The following CACNA1C variants were observed in gnomAD, a reference collection of about 807,000 sequenced individuals.
The protein encoded by CACNA1C is voltage-dependent L-type calcium channel subunit alpha-1C.
CACNA1C carries 30 observed loss-of-function variants against 229.0 expected under a neutral mutation model. The observed-to-expected ratio is 0.13, with a 90% CI of 0.10 to 0.18. CACNA1C has a LOEUF of 0.18. Among genes scored for constraint, CACNA1C ranks in the 10% least tolerant of loss-of-function variants. CACNA1C has a pLI of 1.00. For missense variants in CACNA1C, 1,658 were observed against 2,845.0 expected (o/e 0.58, Z 9.49); for synonymous variants, 1,114 against 1,132.5 (o/e 0.98, Z 0.33).
intron 3 of CACNA1C, among the ~76,000 whole-genome samples, chr12:2,316,695 A>C (rs576157950): frequency 4.3e-4 from 65 of 152,306 alleles, no homozygotes; most frequent in African/African-American, 1.5e-3. Flanking sequence ...ATGCCCAAAC[A>C]CCATGAACTC....
chr12:2,528,434 C>T (rs1442109686), intron 9 of CACNA1C, among the ~76,000 whole-genome samples: 1 of 152,210 alleles, frequency 6.6e-6, no homozygotes, highest in Non-Finnish European at 1.5e-5. Flanking sequence ...CCTGGAATTG[C>T]ACTTTTCCTC....
At chr12:2,336,435 T>C (rs2096697541) in intron 3 of CACNA1C, among the ~76,000 whole-genome samples, 1 of 145,574 alleles carries the variant, frequency 6.9e-6, no homozygotes, top group South Asian at 2.2e-4. Context: ...AGGTACATGA[T>C]TCCTATTTTT....
intron 18 of CACNA1C, among the ~76,000 whole-genome samples, chr12:2,592,097 G>A (rs1180499237): frequency 6.6e-6 from 1 of 152,256 alleles, no homozygotes; most frequent in Non-Finnish European, 1.5e-5. Flanking sequence ...GCATGAGTTT[G>A]CGGGGGAAAC....
At position 2,608,779 on chromosome 12, in the gene CACNA1C, C is replaced by A; in HGVS notation, c.3558+67C>A. The A allele has an allele frequency of 6.6e-7, 1 of 1,518,616 alleles. No homozygotes were observed. Among genetic ancestry groups the A allele is most frequent in the Non-Finnish European group, 9.1e-7 (1 of 1,103,850 alleles). The allele number at this position is 1,518,616 out of a possible 1,614,324, so 94.1% of individuals were successfully genotyped here. A position where few individuals can be genotyped will look rare whatever the true frequency, so the allele number is the denominator to read the frequency against. ...AGGGAATGGCAGCCTGCGGCCCACC[C>A]CGCAGAGGGGCTGCGACAGGGAGAG... On this transcript the variant is annotated intron_variant, in intron 27 of 46. Coordinates refer to ENST00000399655, the MANE Select transcript of CACNA1C (RefSeq NM_000719.7). This position sits in a 1 kb window ranked among gnomAD's most constrained non-coding sequence, Gnocchi z 4.2.
rs147615623 is a variant in CACNA1C, at chr12:2,497,428, G to C, written c.1113+4042G>C. On this transcript the variant is annotated intron_variant, in intron 7 of 46. Coordinates refer to ENST00000399655, the MANE Select transcript of CACNA1C (RefSeq NM_000719.7). ...CGTTGCAGGTGAGAATTGTGGAAGG[G>C]GGGCAGCAGCTAGACTAGGCATCAC... is the stretch of plus-strand genomic sequence containing the variant. Among the ~76,000 whole-genome samples, 660 of 152,308 alleles carry C rather than the reference G, an allele frequency of 4.3e-3. 1 individual carries two copies. The highest frequency in any genetic ancestry group is 7.2e-3 in the Non-Finnish European group (487 of 68,028).
At chr12:1,983,686 C>G (rs542873149) in intron 1 of CACNA1C, among the ~76,000 whole-genome samples, 1 of 152,098 alleles carries the variant, frequency 6.6e-6, no homozygotes, top group Admixed American at 6.5e-5. Context: ...TTGAGAAGAA[C>G]GTCCATTCTG....
rs778456186 is a variant in CACNA1C, at chr12:2,550,034, G to A, written c.1481+1G>A. The A allele has an allele frequency of 6.3e-7, 1 of 1,597,840 alleles. No homozygotes were observed. Among genetic ancestry groups the A allele is most frequent in the Non-Finnish European group, 8.5e-7 (1 of 1,170,858 alleles). ...GAGAAAACTGCGGGGCCAGGCTGGC[G>A]TGAGTAGGCACGGCGAGCCCAGGGG... On this transcript the variant is annotated splice_donor_variant, in intron 10 of 46. Coordinates refer to ENST00000399655, the MANE Select transcript of CACNA1C (RefSeq NM_000719.7). LOFTEE classifies it high-confidence loss of function.
rs2097790213 is a variant in CACNA1C, at chr12:2,691,681, A to T, written c.*482A>T. 1 of 154,556 alleles carries T rather than the reference A, an allele frequency of 6.5e-6. No individual in the cohort carries two copies. The highest frequency in any genetic ancestry group is 2.4e-5 in the African/African-American group (1 of 41,502). 9.6% of individuals were successfully genotyped at this position (154,556 alleles called of 1,614,324 possible). A position where few individuals can be genotyped will look rare whatever the true frequency, so the allele number is the denominator to read the frequency against. ...AGGAGGACCCCAACCCGGCCCGGAG[A>T]GGGAGGAGGAGGCCTCCAGGGGCGC... On this transcript the variant is annotated 3_prime_UTR_variant, in exon 47 of 47. Transcript: ENST00000399655.
intron 3 of CACNA1C, among the ~76,000 whole-genome samples, chr12:2,262,644 G>T (rs1251745767): frequency 6.6e-6 from 1 of 152,228 alleles, no homozygotes; most frequent in Non-Finnish European, 1.5e-5. Flanking sequence ...AGGAGGCCAG[G>T]AGGCATCCAG....
intron 3 of CACNA1C, among the ~76,000 whole-genome samples, chr12:2,357,769 G>C (rs375542443): frequency 2.0e-5 from 3 of 151,280 alleles, no homozygotes; most frequent in African/African-American, 7.3e-5. Flanking sequence ...TCAGCAGTTC[G>C]AGACCAGCCT....
chr12:2,599,646 A>C (rs2070836224), intron 21 of CACNA1C, among the ~76,000 whole-genome samples: 1 of 152,112 alleles, frequency 6.6e-6, no homozygotes, highest in Non-Finnish European at 1.5e-5. Context: ...TCAGGATGGA[A>C]ACACCCCAGC....
At chr12:2,609,072 G>A (rs185693339) in intron 27 of CACNA1C, among the ~76,000 whole-genome samples, 2 of 152,206 alleles carry the variant, frequency 1.3e-5, no homozygotes, top group Admixed American at 1.3e-4. Flanking sequence ...GAACTGTGAG[G>A]GAGTGAGGGC....
At chr12:2,260,645 T>G (rs553587421) in intron 3 of CACNA1C, among the ~76,000 whole-genome samples, 1 of 152,280 alleles carries the variant, frequency 6.6e-6, no homozygotes, top group African/African-American at 2.4e-5. Flanking sequence ...ATGGTTGAGA[T>G]CACATGGACT....
At chr12:1,992,869 G>T in intron 1 of CACNA1C, 1 of 445,142 alleles carries the variant, frequency 2.2e-6, no homozygotes, top group Non-Finnish European at 4.0e-6. Context: ...GGCCAAAAGT[G>T]ATACATAAAG....
chr12:2,682,727 T>C (rs766360349), intron 43 of CACNA1C, 49 bp downstream of exon 43: 3 of 1,581,614 alleles, frequency 1.9e-6, no homozygotes, highest in Admixed American at 3.4e-5. Flanking sequence ...TGGGAACAAA[T>C]GTGGGGAGGC....
chr12:2,543,761 A>G (rs758032225), intron 9 of CACNA1C, among the ~76,000 whole-genome samples: 1 of 152,238 alleles, frequency 6.6e-6, no homozygotes, highest in African/African-American at 2.4e-5. Context: ...GTGACTGCCA[A>G]CTTGGCCCCC....
intron 3 of CACNA1C, among the ~76,000 whole-genome samples, chr12:2,311,429 A>C (rs1046079094): frequency 1.2e-4 from 19 of 152,342 alleles, no homozygotes; most frequent in African/African-American, 4.6e-4. Flanking sequence ...AAGCAGATCA[A>C]CCAGAGGATG....
chr12:2,300,126 G>A (rs1449668934), intron 3 of CACNA1C, among the ~76,000 whole-genome samples: 2 of 152,222 alleles, frequency 1.3e-5, no homozygotes, highest in Non-Finnish European at 2.9e-5. Context: ...TTTTAAACTT[G>A]TATCTGAACC....
intron 3 of CACNA1C, among the ~76,000 whole-genome samples, chr12:2,313,125 A>T (rs1011520832): frequency 1.3e-5 from 2 of 152,156 alleles, no homozygotes; most frequent in Non-Finnish European, 2.9e-5. Flanking sequence ...GGGTGTGGTA[A>T]GGCCGCCCTG....
Sources: gnomAD v4.1 joint callset for allele counts (sites outside exome capture counted in the v4.1 genomes callset) on GRCh38, gnomAD v4.1.1 for gene constraint, Gnocchi (gnomAD v3.1) non-coding constraint, MANE v1.5 for transcripts, NCBI Gene and HGNC (gene_info 2026-07-23, HGNC 2026-07-21) for gene names.